The following LEO1 variants were observed in gnomAD, a reference collection of about 807,000 sequenced individuals.
LEO1 encodes LEO1 component of Paf1/RNA polymerase II complex.
In LEO1, 34 loss-of-function variants were observed where a neutral mutation model predicts 80.4. The observed-to-expected ratio is 0.42, with a 90% CI of 0.32 to 0.56. LEO1 has a LOEUF of 0.56. Ranked by LOEUF, LEO1 falls within the 20% of genes least tolerant of loss-of-function variation. The pLI is 0.10. For synonymous variants in LEO1, 262 were observed against 274.9 expected (o/e 0.95, Z 0.46); for missense variants, 631 against 814.2 (o/e 0.77, Z 2.74).
At chr15:51,956,167 CA>C (rs1359325821) in intron 6 of LEO1, among the ~76,000 whole-genome samples, 1 of 152,122 alleles carries the variant, frequency 6.6e-6, no homozygotes, top group Admixed American at 6.6e-5. Flanking sequence ...CCTGTAATCC[CA>C]GCACTTTGGG....
At chr15:51,960,914 A>G (rs1402137960) in intron 3 of LEO1, among the ~76,000 whole-genome samples, 181 bp from the exon 4 acceptor site, 1 of 152,152 alleles carries the variant, frequency 6.6e-6, no homozygotes, top group Non-Finnish European at 1.5e-5. Flanking sequence ...AAGGGGGCAA[A>G]TCTAGTGAAA....
At chr15:51,965,003 G>A (rs372647876) in intron 2 of LEO1, among the ~76,000 whole-genome samples, 4 of 152,254 alleles carry the variant, frequency 2.6e-5, no homozygotes, top group Middle Eastern at 3.4e-3. Context: ...GCTCGTCTCT[G>A]TAGGGTGAGG....
At chr15:51,956,985 G>A (rs957426577) in intron 6 of LEO1, among the ~76,000 whole-genome samples, 3 of 151,966 alleles carry the variant, frequency 2.0e-5, no homozygotes, top group African/African-American at 7.3e-5. Flanking sequence ...CGCCATCTCT[G>A]CTGGCTAATT....
At chr15:51,954,216 C>T (rs1274555420) in intron 7 of LEO1, among the ~76,000 whole-genome samples, 1 of 151,340 alleles carries the variant, frequency 6.6e-6, no homozygotes, top group Non-Finnish European at 1.5e-5. Flanking sequence ...AGCCACCGTG[C>T]CTGGCTCTTT....
rs1194321177 is a variant in LEO1, at chr15:51,966,507, A to G, written c.59-3T>C. On this transcript the variant is annotated splice_region_variant and splice_polypyrimidine_tract_variant and intron_variant, in intron 1 of 11. Transcript: ENST00000299601. ...TGAGTCAGATCCAGAATCAGAATCTATGGGGTCATATAAACATAGGATAAC... is the reference window on the plus strand; with the variant it reads ...TGAGTCAGATCCAGAATCAGAATCTGTGGGGTCATATAAACATAGGATAAC... The G allele has an allele frequency of 2.8e-5, 42 of 1,518,916 alleles. No homozygotes were observed. The highest frequency in any genetic ancestry group is 3.8e-5 in the Non-Finnish European group (42 of 1,099,778). 94.1% of individuals were successfully genotyped at this position (1,518,916 alleles called of 1,614,324 possible).
intron 1 of LEO1, among the ~76,000 whole-genome samples, chr15:51,969,368 C>G (rs1195105165): frequency 6.6e-6 from 1 of 151,986 alleles, no homozygotes; most frequent in African/African-American, 2.4e-5. Context: ...GGCGCAGTGG[C>G]TCACACCTGT....
At chr15:51,950,684 T>C (rs1309243491) in intron 9 of LEO1, among the ~76,000 whole-genome samples, 1 of 152,202 alleles carries the variant, frequency 6.6e-6, no homozygotes, top group Admixed American at 6.5e-5. Flanking sequence ...ACAACTCCAA[T>C]TATATTGCTA....
chr15:51,939,014 A>ATCTC (rs1428952518), intron 11 of LEO1, among the ~76,000 whole-genome samples: 1 of 152,132 alleles, frequency 6.6e-6, no homozygotes, highest in African/African-American at 2.4e-5. Context: ...GCAAAACTCC[A>ATCTC]TCTCTACTAA....
chr15:51,967,240 A>C (rs1347092800), intron 1 of LEO1, among the ~76,000 whole-genome samples: 1 of 152,228 alleles, frequency 6.6e-6, no homozygotes, highest in Admixed American at 6.5e-5. Context: ...TGGGAGGCCA[A>C]GGCGGGCAGA....
At chr15:51,961,139 T>C (rs1032852386) in intron 3 of LEO1, among the ~76,000 whole-genome samples, 1 of 152,090 alleles carries the variant, frequency 6.6e-6, no homozygotes, top group African/African-American at 2.4e-5. Context: ...TCCCAGCACT[T>C]TGGGAGGCCA....
At chr15:51,946,742 A>G (rs909967982) in intron 11 of LEO1, among the ~76,000 whole-genome samples, 1 of 151,896 alleles carries the variant, frequency 6.6e-6, no homozygotes, top group African/African-American at 2.4e-5. Flanking sequence ...GGGTCTCCCT[A>G]TATTGCCCAG....
chr15:51,970,249 C>G (rs1350788663), intron 1 of LEO1, among the ~76,000 whole-genome samples: 1 of 152,148 alleles, frequency 6.6e-6, no homozygotes, highest in Non-Finnish European at 1.5e-5. Context: ...CCTCTGTCTC[C>G]TGGGTTCAAG....
At chr15:51,949,593 G>T (rs138635981) in intron 10 of LEO1, among the ~76,000 whole-genome samples, 23 of 151,820 alleles carry the variant, frequency 1.5e-4, no homozygotes, top group African/African-American at 5.6e-4. Context: ...CCAGCTACTC[G>T]GGAGGCTGAG....
At chr15:51,938,529 C>G (rs1369389255) in intron 11 of LEO1, among the ~76,000 whole-genome samples, 1 of 152,230 alleles carries the variant, frequency 6.6e-6, no homozygotes, top group Non-Finnish European at 1.5e-5. Flanking sequence ...CCTGTCTAAC[C>G]ACTGGTCCTG....
At chr15:51,959,764 C>T in intron 5 of LEO1, 135 bp downstream of exon 5, 1 of 745,636 alleles carries the variant, frequency 1.3e-6, no homozygotes, top group Non-Finnish European at 2.1e-6. Flanking sequence ...TCAGGATGTG[C>T]TTGACTAATT....
rs115977971 is a variant in LEO1 at position 51,950,071 on chromosome 15, A to C, written c.1612-77T>G. The stretch of plus-strand genomic sequence containing the variant: ...CCACTTGAACCCACTTTTATTACAA[A>C]TAGCATGTAATGTCTGGTCCAGATA... On this transcript the variant is annotated intron_variant, in intron 9 of 11. Transcript: ENST00000299601. The C allele has an allele frequency of 5.2e-4, 600 of 1,163,946 alleles. 3 individuals carry two copies. The African/African-American group carries it at 8.4e-3, about 16-fold the overall frequency. 72.1% of individuals were successfully genotyped at this position (1,163,946 alleles called of 1,614,324 possible).
intron 9 of LEO1, among the ~76,000 whole-genome samples, chr15:51,951,234 T>C (rs1373819403): frequency 6.6e-6 from 1 of 152,182 alleles, no homozygotes; most frequent in Non-Finnish European, 1.5e-5. Context: ...AGAGGAGAAA[T>C]GATGAGCCTG....
chr15:51,960,888 G>C (rs944468969), intron 3 of LEO1, among the ~76,000 whole-genome samples, 155 bp from the exon 4 acceptor site: 3 of 152,210 alleles, frequency 2.0e-5, no homozygotes, highest in Non-Finnish European at 4.4e-5. Context: ...CCCAACCAGA[G>C]AGTGTGGGGA....
chr15:51,942,319 C>T (rs990467668), intron 11 of LEO1, among the ~76,000 whole-genome samples: 5 of 152,180 alleles, frequency 3.3e-5, no homozygotes, highest in African/African-American at 1.2e-4. Context: ...AGGATGGTTC[C>T]TGTAACAGCT....
Sources: gnomAD v4.1 joint callset for allele counts (sites outside exome capture counted in the v4.1 genomes callset) on GRCh38, gnomAD v4.1.1 for gene constraint, MANE v1.5 for transcripts, NCBI Gene and HGNC (gene_info 2026-07-23, HGNC 2026-07-21) for gene names.